Variants in CFAP46 observed in about 807,000 individuals in gnomAD.
CFAP46 encodes the protein cilia- and flagella-associated protein 46.
A neutral mutation model predicts 325.7 loss-of-function variants in CFAP46; 245 were observed. That is an observed-to-expected ratio of 0.75 (90% confidence interval 0.68 to 0.84). The LOEUF (loss-of-function observed/expected upper bound fraction) is 0.84. Ranked by LOEUF, CFAP46 falls within the 40% of genes least tolerant of loss-of-function variation. The probability of loss-of-function intolerance (pLI) is 0.00; values close to 1 mark genes in which losing one functional copy is unlikely to be tolerated. For synonymous variants in CFAP46, 1,523 were observed against 1,495.9 expected, an observed-to-expected ratio of 1.02 and a Z score of -0.42; for missense variants, 3,346 against 3,543.0, an observed-to-expected ratio of 0.94 and a Z score of 1.41.
At chr10:132,836,957 C>T (rs72855938) in intron 44 of CFAP46, 43 bp from the exon 45 acceptor site, 419 of 1,424,290 alleles carry the variant, frequency 2.9e-4, no homozygotes, top group Non-Finnish European at 3.9e-4. Context: ...ATTTAGGACG[C>T]AAGGACGTCG....
At chr10:132,836,108 G>T in intron 46 of CFAP46, 34 bp downstream of exon 46, 1 of 1,524,034 alleles carries the variant, frequency 6.6e-7, no homozygotes, top group Non-Finnish European at 8.8e-7. Context: ...CGCCTGCCCT[G>T]CTCCCCCTCC....
intron 5 of CFAP46, 57 bp downstream of exon 5, chr10:132,938,532 C>G: frequency 6.4e-7 from 1 of 1,572,040 alleles, no homozygotes; most frequent in Admixed American, 1.7e-5. Flanking sequence ...GTGGTGGCCT[C>G]AGAGCCAGAG....
chr10:132,839,757 A>T (rs145514267), intron 44 of CFAP46, among the ~76,000 whole-genome samples: 160 of 152,228 alleles, frequency 1.1e-3, no homozygotes, highest in African/African-American at 3.6e-3. Flanking sequence ...TGTCAAGGTG[A>T]TTTTGCGATT....
chr10:132,817,921 C>T lies in CFAP46; in HGVS notation c.7118-3007G>A, dbSNP rs1165536031. 3.9e-5 allele frequency among the ~76,000 whole-genome samples: 6 copies of T among 152,350 alleles called. No homozygotes were observed. Among genetic ancestry groups the T allele is most frequent in the Non-Finnish European group, 4.4e-5 (3 of 68,030 alleles). ...GCTCCCGGGGAGAATCCTCTCCTGGCTCCTGGCCACGCCCTCCATCCTCAC... is the reference window on the plus strand; with the variant it reads ...GCTCCCGGGGAGAATCCTCTCCTGGTTCCTGGCCACGCCCTCCATCCTCAC... On this transcript the variant is annotated intron_variant, in intron 50 of 57. Coordinates refer to ENST00000368586, the MANE Select transcript of CFAP46 (RefSeq NM_001200049.3). The surrounding 1 kb of genome is among the most constrained non-coding windows in gnomAD (Gnocchi z 4.4).
intron 22 of CFAP46, among the ~76,000 whole-genome samples, chr10:132,904,903 G>A (rs765214545): frequency 3.9e-5 from 6 of 152,098 alleles, no homozygotes; most frequent in African/African-American, 7.2e-5. Flanking sequence ...ACCCCCTGCA[G>A]CCCCTTCCAA....
At chr10:132,865,625 A>G (rs1446576897) in intron 35 of CFAP46, among the ~76,000 whole-genome samples, 1 of 152,220 alleles carries the variant, frequency 6.6e-6, no homozygotes, top group Non-Finnish European at 1.5e-5. Context: ...GGACCCAGGC[A>G]GCCCCGCACA....
In CFAP46 at chr10:132,835,338, A is replaced by G; in HGVS notation, c.6710T>C (p.Val2237Ala). ...QQFRKQTQAQVYSEDMALNIG... is the reference protein window; with the variant it reads ...QQFRKQTQAQAYSEDMALNIG... ...GTTCAGGGCCATGTCCTCACTGTAC[A>G]CCTGGGCCTGGGTCTGCTTCCGGAA... Residue 2237 changes from valine (V) to alanine (A), a missense_variant, in exon 47 of 58, where the codon GTG becomes GCG. Physicochemically the swap from Val to Ala is moderately conservative, Grantham distance 64. Transcript: ENST00000368586. 1 of 1,613,526 alleles carries G rather than the reference A, an allele frequency of 6.2e-7. No homozygotes were observed. The highest frequency in any genetic ancestry group is 8.5e-7 in the Non-Finnish European group (1 of 1,179,918).
chr10:132,923,452 C>T (rs1849760280), intron 11 of CFAP46, among the ~76,000 whole-genome samples: 1 of 146,900 alleles, frequency 6.8e-6, no homozygotes, highest in South Asian at 2.2e-4. Flanking sequence ...CCCTGGACCC[C>T]CTGGCCTTGA....
In CFAP46 at chr10:132,907,937, G is replaced by A. The variant is rs542659056; in HGVS notation, c.2924+531C>T. 6.6e-4 allele frequency among the ~76,000 whole-genome samples: 100 copies of A among 152,370 alleles called. 1 individual carries two copies. Among genetic ancestry groups the A allele is most frequent in the Middle Eastern group, 3.4e-3 (1 of 294 alleles). On this transcript the variant is annotated intron_variant, in intron 22 of 57. Coordinates refer to ENST00000368586, the MANE Select transcript of CFAP46 (RefSeq NM_001200049.3). ...CACCTCGATGGCACTTCCAGCCTCC[G>A]GAACTGTGAGCAGGAACCATCTGGG... is the stretch of plus-strand genomic sequence containing the variant.
rs540382609 is a variant in CFAP46 at position 132,890,931 on chromosome 10, G to C, written c.3304+1402C>G. Among the ~76,000 whole-genome samples, 41 of 152,260 alleles carry C rather than the reference G, an allele frequency of 2.7e-4. 1 individual carries two copies. The South Asian group carries it at 8.3e-3, about 31-fold the overall frequency. On this transcript the variant is annotated intron_variant, in intron 25 of 57. Coordinates refer to ENST00000368586, the MANE Select transcript of CFAP46 (RefSeq NM_001200049.3). ...ACTTTTCTATTCCACAGCATTTAAAGATTTCCCAAATACACCTTAGGACTC... is the reference window on the plus strand; with the variant it reads ...ACTTTTCTATTCCACAGCATTTAAACATTTCCCAAATACACCTTAGGACTC...
At chr10:132,835,835 G>A (rs1848231798) in intron 46 of CFAP46, among the ~76,000 whole-genome samples, 1 of 150,164 alleles carries the variant, frequency 6.7e-6, no homozygotes, top group African/African-American at 2.5e-5. Flanking sequence ...TATCAGCTCT[G>A]CTCCCGCCCC....
rs1591085132 is a variant in CFAP46, at chr10:132,909,905, G to A, written c.2649+14C>T. 2.1e-6 allele frequency: 3 copies of A among 1,431,674 alleles called. No homozygotes were observed. The highest frequency in any genetic ancestry group is 1.8e-6 in the Non-Finnish European group (2 of 1,095,298). The allele number at this position is 1,431,674 out of a possible 1,614,324, so 88.7% of individuals were successfully genotyped here. A position where few individuals can be genotyped will look rare whatever the true frequency, so the allele number is the denominator to read the frequency against. ...GGCCTCAGTCAGAGCCCAGATGTGG[G>A]CAGGGGCGCCCACCTGCTCCTCGGT... On this transcript the variant is annotated intron_variant, in intron 20 of 57. Transcript: ENST00000368586.
intron 1 of CFAP46, among the ~76,000 whole-genome samples, 157 bp downstream of exon 1, chr10:132,942,279 G>T (rs544367330): frequency 2.5e-4 from 38 of 152,322 alleles, no homozygotes; most frequent in African/African-American, 9.1e-4. Context: ...CGTTTGCTCT[G>T]GTCAGACGAT....
At chr10:132,836,735 G>C in intron 45 of CFAP46, 82 bp downstream of exon 45, 1 of 1,184,008 alleles carries the variant, frequency 8.4e-7, no homozygotes, top group South Asian at 1.2e-5. Context: ...GCTGAGGTGT[G>C]GGCAGCCCAC....
At chr10:132,888,876 G>A (rs112776297) in intron 25 of CFAP46, among the ~76,000 whole-genome samples, 179 of 112,268 alleles carry the variant, frequency 1.6e-3, no homozygotes, top group Admixed American at 0.011. Context: ...CACCCCTGCC[G>A]CCTGCACCTG....
chr10:132,920,266 C>T (rs780609697), intron 13 of CFAP46, 84 bp from the exon 14 acceptor site: 18 of 1,422,510 alleles, frequency 1.3e-5, no homozygotes, highest in Admixed American at 6.2e-5. Flanking sequence ...TGCCCTGCGC[C>T]GGCGCCGGGG....
Position 132,867,388 on chromosome 10 carries a change from T to C in CFAP46, c.4730A>G (p.Asp1577Gly). The change falls in exon 34 of 58, where the codon GAC becomes GGC. Residue 1577 changes from aspartate to glycine, a missense_variant. Coordinates refer to ENST00000368586, the MANE Select transcript of CFAP46 (RefSeq NM_001200049.3). ...CGGTGAGGTTACCTTGTCCTTGGCG[T>C]CCAGTGGTTTGATCTCCCCAGGCTG... The part of the protein sequence containing the change: ...PVQPGEIKPL[D>G]AKDKILKMNG... 6.5e-7 allele frequency: 1 copy of C among 1,550,140 alleles called. No individual in the cohort carries two copies. The highest frequency in any genetic ancestry group is 8.7e-7 in the Non-Finnish European group (1 of 1,146,922).
chr10:132,833,618 G>A (rs753147810), intron 49 of CFAP46, 93 bp from the exon 50 acceptor site: 69 of 1,354,352 alleles, frequency 5.1e-5, no homozygotes, highest in Non-Finnish European at 6.8e-5. Flanking sequence ...GCTGCTGGGC[G>A]CTGGGAAAGG....
intron 9 of CFAP46, among the ~76,000 whole-genome samples, chr10:132,926,899 G>C (rs1008533371): frequency 5.3e-5 from 8 of 152,220 alleles, no homozygotes; most frequent in Admixed American, 6.5e-5. Context: ...CGGCACGGGA[G>C]GGTCCTGAGT....
Sources: allele counts gnomAD v4.1 joint callset (sites outside exome capture counted in the v4.1 genomes callset), GRCh38; gene constraint gnomAD v4.1.1; non-coding constraint Gnocchi (gnomAD v3.1); transcripts MANE v1.5; gene names NCBI Gene and HGNC (gene_info 2026-07-23, HGNC 2026-07-21).